The following CPNE4 variants were observed in gnomAD, a reference collection of about 807,000 sequenced individuals.
CPNE4 encodes the protein copine-4.
Under a neutral mutation model 67.9 loss-of-function variants are expected in CPNE4, and 25 were observed. The ratio of observed to expected loss-of-function variants is 0.37; its 90% confidence interval spans 0.27 to 0.51. The LOEUF is 0.51. CPNE4 is among the 20% of genes least tolerant of loss of function. The probability of loss-of-function intolerance (pLI) is 0.93; values close to 1 mark genes in which losing one functional copy is unlikely to be tolerated. For missense variants in CPNE4, 464 were observed against 690.8 expected, an observed-to-expected ratio of 0.67 and a Z score of 3.68; for synonymous variants, 242 against 244.9, an observed-to-expected ratio of 0.99 and a Z score of 0.11.
At chr3:131,563,191 GA>G (rs1238596749) in intron 11 of CPNE4, among the ~76,000 whole-genome samples, 1 of 152,020 alleles carries the variant, frequency 6.6e-6, no homozygotes, top group African/African-American at 2.4e-5. Flanking sequence ...AGAAAGAACA[GA>G]AATCATGCTG....
intron 2 of CPNE4, among the ~76,000 whole-genome samples, chr3:131,757,285 G>A (rs751631788): frequency 1.1e-4 from 16 of 152,190 alleles, no homozygotes; most frequent in African/African-American, 2.2e-4. Context: ...TGCTGATAGC[G>A]ATATAGACAA....
At chr3:131,763,292 T>C (rs2082933553) in intron 2 of CPNE4, among the ~76,000 whole-genome samples, 1 of 152,140 alleles carries the variant, frequency 6.6e-6, no homozygotes, top group Admixed American at 6.6e-5. Context: ...TAGTCTTCGT[T>C]TGATGCAGCT....
At chr3:131,962,166 C>T (rs1004209502) in intron 1 of CPNE4, among the ~76,000 whole-genome samples, 1 of 151,966 alleles carries the variant, frequency 6.6e-6, no homozygotes, top group Non-Finnish European at 1.5e-5. Context: ...CGAGGCCCTG[C>T]CTTTTTCTAT....
rs567003110 is a variant in CPNE4, at chr3:131,752,578, A to T, written c.181-28953T>A. On this transcript the variant is annotated intron_variant, in intron 2 of 15. Transcript: ENST00000429747. ...GTCTGCATCCTTCTTTCCAACTTTT[A>T]ATGTATTCTTATGTTTGTTTTACAT... 2.3e-3 allele frequency among the ~76,000 whole-genome samples: 353 copies of T among 152,186 alleles called. 1 individual carries two copies. Among genetic ancestry groups the T allele is most frequent in the African/African-American group, 8.2e-3 (339 of 41,518 alleles).
At chr3:131,882,316 G>A (rs1481495169) in intron 2 of CPNE4, among the ~76,000 whole-genome samples, 2 of 152,056 alleles carry the variant, frequency 1.3e-5, no homozygotes, top group African/African-American at 4.8e-5. Context: ...AGATACAAAT[G>A]CAATTAGAAT....
intron 2 of CPNE4, among the ~76,000 whole-genome samples, chr3:131,829,367 C>A (rs533632215): frequency 1.3e-5 from 2 of 152,152 alleles, no homozygotes; most frequent in Non-Finnish European, 2.9e-5. Flanking sequence ...TTTCTATGTA[C>A]ACAAATAATA....
intron 2 of CPNE4, among the ~76,000 whole-genome samples, chr3:131,856,983 TATTA>T (rs199753187): frequency 0.034 from 5,175 of 152,106 alleles, 281 homozygotes; most frequent in African/African-American, 0.12. Context: ...GATATATTTT[TATTA>T]ATTATTTCTG....
At chr3:131,684,237 A>G (rs1583018335) in intron 6 of CPNE4, among the ~76,000 whole-genome samples, 1 of 152,066 alleles carries the variant, frequency 6.6e-6, no homozygotes, top group East Asian at 1.9e-4. Context: ...GGAGGCTTCT[A>G]TTTGGCCATC....
chr3:131,702,313 A>G (rs1376415023), intron 3 of CPNE4, among the ~76,000 whole-genome samples: 1 of 152,162 alleles, frequency 6.6e-6, no homozygotes, highest in African/African-American at 2.4e-5. Flanking sequence ...CCCCCACTGT[A>G]TGCTAGACTT....
intron 7 of CPNE4, among the ~76,000 whole-genome samples, chr3:131,588,333 T>A (rs1008264014): frequency 2.0e-5 from 3 of 152,152 alleles, no homozygotes; most frequent in African/African-American, 7.2e-5. Flanking sequence ...TGGTCACACA[T>A]CTAAGTGAAG....
At chr3:131,993,149 A>C (rs1175769395) in intron 1 of CPNE4, among the ~76,000 whole-genome samples, 1 of 135,892 alleles carries the variant, frequency 7.4e-6, no homozygotes, top group Non-Finnish European at 1.7e-5. Context: ...GAAGAATTGC[A>C]TTACCTTGCA....
At chr3:131,986,514 A>G (rs1197322057) in intron 1 of CPNE4, among the ~76,000 whole-genome samples, 1 of 152,210 alleles carries the variant, frequency 6.6e-6, no homozygotes, top group Non-Finnish European at 1.5e-5. Context: ...AAAGCAGGCA[A>G]ATCTGCTCTA....
chr3:131,806,691 G>A (rs1310271992), intron 2 of CPNE4, among the ~76,000 whole-genome samples: 2 of 151,874 alleles, frequency 1.3e-5, no homozygotes, highest in African/African-American at 4.8e-5. Context: ...ATATCTCTTA[G>A]GCACTTTTAG....
intron 3 of CPNE4, among the ~76,000 whole-genome samples, chr3:131,721,295 T>C (rs2081877326): frequency 6.6e-6 from 1 of 151,330 alleles, no homozygotes; most frequent in Non-Finnish European, 1.5e-5. Flanking sequence ...GACTAAAGAT[T>C]TGAGTTTGAG....
intron 2 of CPNE4, among the ~76,000 whole-genome samples, chr3:131,886,340 G>T (rs1401111210): frequency 6.6e-6 from 1 of 152,270 alleles, no homozygotes; most frequent in Non-Finnish European, 1.5e-5. Flanking sequence ...AATGAGGTTT[G>T]GGAACCTCTG....
intron 7 of CPNE4, among the ~76,000 whole-genome samples, chr3:131,611,958 CA>C (rs1448226189): frequency 6.6e-6 from 1 of 152,108 alleles, no homozygotes; most frequent in Non-Finnish European, 1.5e-5. Context: ...GACTGTTTTG[CA>C]AAGCTTACAG....
At chr3:131,626,872 C>T (rs1381572186) in intron 7 of CPNE4, among the ~76,000 whole-genome samples, 2 of 152,258 alleles carry the variant, frequency 1.3e-5, no homozygotes, top group South Asian at 4.2e-4. Context: ...TGCTCACTGG[C>T]CACGCTGAAA....
chr3:131,672,504 T>G (rs1302338641), intron 6 of CPNE4, among the ~76,000 whole-genome samples: 1 of 152,094 alleles, frequency 6.6e-6, no homozygotes, highest in African/African-American at 2.4e-5. Flanking sequence ...TATGGCCTTT[T>G]GAATTTATCC....
chr3:131,552,583 A>G (rs1043111210), intron 12 of CPNE4, 92 bp from the exon 13 acceptor site: 1 of 962,786 alleles, frequency 1.0e-6, no homozygotes, highest in Non-Finnish European at 1.6e-6. Flanking sequence ...GTTTGCAAAC[A>G]AATGCCCATT....
Sources: allele counts gnomAD v4.1 joint callset (sites outside exome capture counted in the v4.1 genomes callset), GRCh38; gene constraint gnomAD v4.1.1; transcripts MANE v1.5; gene names NCBI Gene and HGNC (gene_info 2026-07-23, HGNC 2026-07-21).